Variants in CDC14A observed in about 807,000 individuals in gnomAD.
The protein encoded by CDC14A is dual specificity protein phosphatase CDC14A.
In CDC14A, 53 loss-of-function variants were observed where a neutral mutation model predicts 74.4. The ratio of observed to expected loss-of-function variants is 0.71; its 90% CI spans 0.57 to 0.89. The LOEUF is 0.89. Among genes scored for constraint, CDC14A ranks in the 40% least tolerant of loss-of-function variants. The pLI is 0.00. For synonymous variants in CDC14A, 247 were observed against 258.4 expected, an observed-to-expected ratio of 0.96 and a Z score of 0.43; for missense variants, 646 against 713.7, an observed-to-expected ratio of 0.91 and a Z score of 1.08.
chr1:100,490,542 T>C (rs1335203630), intron 11 of CDC14A, among the ~76,000 whole-genome samples: 3 of 152,108 alleles, frequency 2.0e-5, no homozygotes, highest in Non-Finnish European at 4.4e-5. Flanking sequence ...TCTCCCCAAG[T>C]CTGAACTCCC....
At chr1:100,468,868 T>C (rs1420110391) in intron 10 of CDC14A, among the ~76,000 whole-genome samples, 1 of 152,168 alleles carries the variant, frequency 6.6e-6, no homozygotes, top group Non-Finnish European at 1.5e-5. Flanking sequence ...TATCTTTTAC[T>C]GAAATTTCAT....
At chr1:100,367,324 A>T (rs1275205053) in intron 2 of CDC14A, among the ~76,000 whole-genome samples, 1 of 152,176 alleles carries the variant, frequency 6.6e-6, no homozygotes, top group Non-Finnish European at 1.5e-5. Flanking sequence ...TCTAGCTAAT[A>T]GTATGTATTA....
At position 100,496,017 on chromosome 1, in the gene CDC14A, AG is replaced by A; in HGVS notation, c.1268del (p.Gly423AspfsTer12). On this transcript the variant is annotated frameshift_variant, in exon 13 of 16. Transcript: ENST00000336454. LOFTEE classifies it high-confidence loss of function. The part of the protein sequence containing the change: ...SCAFRSDDTK[G>X]HPRAVSQPFR... ...ATTTCCGCAGGTCAGATGATACAAA[AG>A]GACATCCAAGAGCAGTGTCCCAGCC... The A allele has an allele frequency of 6.2e-7, 1 of 1,613,832 alleles. No homozygotes were observed. The highest frequency in any genetic ancestry group is 8.5e-7 in the Non-Finnish European group (1 of 1,179,742).
chr1:100,501,771 C>T (rs982791854), intron 15 of CDC14A, among the ~76,000 whole-genome samples: 2 of 152,062 alleles, frequency 1.3e-5, no homozygotes, highest in African/African-American at 4.8e-5. Context: ...TCCTGAAGAC[C>T]TTCCAGTGGG....
intron 10 of CDC14A, among the ~76,000 whole-genome samples, chr1:100,476,181 G>A (rs1050130562): frequency 3.9e-5 from 6 of 152,142 alleles, no homozygotes; most frequent in Admixed American, 2.6e-4. Flanking sequence ...GGCTGGGCAC[G>A]GTGGCTCATG....
At chr1:100,371,029 A>T (rs1003236748) in intron 2 of CDC14A, among the ~76,000 whole-genome samples, 1 of 152,028 alleles carries the variant, frequency 6.6e-6, no homozygotes, top group Non-Finnish European at 1.5e-5. Context: ...TGTTGGTTAG[A>T]TGTATTCCTA....
At chr1:100,444,090 A>G (rs1447660452) in intron 7 of CDC14A, among the ~76,000 whole-genome samples, 2 of 152,178 alleles carry the variant, frequency 1.3e-5, no homozygotes, top group Admixed American at 6.5e-5. Context: ...TTACCCAAAC[A>G]TGGTCCTCTG....
At chr1:100,412,772 A>T (rs866271044) in intron 4 of CDC14A, among the ~76,000 whole-genome samples, 1 of 118,790 alleles carries the variant, frequency 8.4e-6, no homozygotes, top group African/African-American at 3.6e-5. Flanking sequence ...TATATATTAT[A>T]TATATATATA....
chr1:100,352,236 C>CGGA (rs1429219484), upstream of CDC14A, among the ~76,000 whole-genome samples: 3 of 152,216 alleles, frequency 2.0e-5, no homozygotes, highest in Non-Finnish European at 4.4e-5. Context: ...AGGCCCCGCC[C>CGGA]GCTCCCCTGG....
At chr1:100,477,580 G>T (rs1669036224) in intron 10 of CDC14A, among the ~76,000 whole-genome samples, 1 of 151,910 alleles carries the variant, frequency 6.6e-6, no homozygotes, top group Admixed American at 6.6e-5. Flanking sequence ...TTGGACTGAA[G>T]ATTTAGAGAT....
chr1:100,351,843 G>C, upstream of CDC14A: 1 of 1,501,950 alleles, frequency 6.7e-7, no homozygotes, highest in East Asian at 2.5e-5. Context: ...TGTACTGTGA[G>C]CTAGGAGCTG....
chr1:100,416,446 G>A (rs182105797), intron 4 of CDC14A, among the ~76,000 whole-genome samples: 1 of 152,268 alleles, frequency 6.6e-6, no homozygotes, highest in African/African-American at 2.4e-5. Context: ...TTATTTTATG[G>A]ATGTTGATAC....
chr1:100,438,060 GTAAA>G (rs1664542281), intron 5 of CDC14A, among the ~76,000 whole-genome samples: 1 of 151,810 alleles, frequency 6.6e-6, no homozygotes, highest in Admixed American at 6.6e-5. Context: ...TATAAATGTT[GTAAA>G]TAAACTGTAG....
At chr1:100,418,478 A>G (rs546756634) in intron 4 of CDC14A, among the ~76,000 whole-genome samples, 30 of 152,250 alleles carry the variant, frequency 2.0e-4, no homozygotes, top group African/African-American at 6.5e-4. Flanking sequence ...TTGAGGAAAA[A>G]TGACAAATTT....
intron 11 of CDC14A, among the ~76,000 whole-genome samples, chr1:100,488,616 C>T (rs1670306496): frequency 1.3e-5 from 2 of 152,180 alleles, no homozygotes; most frequent in South Asian, 4.1e-4. Context: ...TATTAGCATA[C>T]CAATCAGTAG....
chr1:100,403,484 T>C (rs1659541608), intron 4 of CDC14A, among the ~76,000 whole-genome samples: 1 of 152,228 alleles, frequency 6.6e-6, no homozygotes, highest in African/African-American at 2.4e-5. Context: ...TTGATTGCTC[T>C]GCATCTAGGC....
intron 5 of CDC14A, among the ~76,000 whole-genome samples, chr1:100,437,171 G>A (rs1363833773): frequency 6.6e-6 from 1 of 152,164 alleles, no homozygotes; most frequent in South Asian, 2.1e-4. Flanking sequence ...GGGTGACAGA[G>A]TGAGACCCTG....
At chr1:100,439,622 A>C (rs185139084) in intron 5 of CDC14A, among the ~76,000 whole-genome samples, 70 of 152,328 alleles carry the variant, frequency 4.6e-4, no homozygotes, top group African/African-American at 1.6e-3. Flanking sequence ...TGAGGAGACC[A>C]AGATTCAGCA....
intron 15 of CDC14A, among the ~76,000 whole-genome samples, chr1:100,506,337 G>A (rs777221318): frequency 4.6e-5 from 7 of 152,066 alleles, no homozygotes; most frequent in African/African-American, 9.7e-5. Context: ...TCAGCTAAGG[G>A]ATACTAACTA....
Sources: allele counts gnomAD v4.1 joint callset (sites outside exome capture counted in the v4.1 genomes callset), GRCh38; gene constraint gnomAD v4.1.1; transcripts MANE v1.5; gene names NCBI Gene and HGNC (gene_info 2026-07-23, HGNC 2026-07-21).